Variants in TMEM260 observed in about 807,000 individuals in gnomAD.
The protein encoded by TMEM260 is transmembrane protein 260, also known as protein O-mannosyl-transferase TMEM260.
TMEM260 carries 82 observed loss-of-function variants against 88.9 expected under a neutral mutation model. That is an observed-to-expected ratio of 0.92 (90% CI 0.77 to 1.11). The LOEUF (loss-of-function observed/expected upper bound fraction) is 1.11. TMEM260 is among the 50% of genes least tolerant of loss of function. The probability of loss-of-function intolerance (pLI) is 0.00; values close to 1 mark genes in which losing one functional copy is unlikely to be tolerated. For synonymous variants in TMEM260, 314 were observed against 309.3 expected, an observed-to-expected ratio of 1.02 and a Z score of -0.16; for missense variants, 902 against 853.4, an observed-to-expected ratio of 1.06 and a Z score of -0.71.
At chr14:56,653,743 A>AAAAAAC (rs1555343583), downstream of TMEM260, among the ~76,000 whole-genome samples, 367 of 134,250 alleles carry the variant, frequency 2.7e-3, 8 homozygotes, top group African/African-American at 0.012. Flanking sequence ...CTCCAAAACA[A>AAAAAAC]AAAAAAAAAA....
chr14:56,600,534 T>C (rs1012091571), intron 3 of TMEM260, among the ~76,000 whole-genome samples: 9 of 152,262 alleles, frequency 5.9e-5, no homozygotes, highest in Middle Eastern at 3.4e-3. Flanking sequence ...TGAATAGACA[T>C]TTCTTTAAGG....
At chr14:56,607,746 G>C (rs76780784) in intron 5 of TMEM260, among the ~76,000 whole-genome samples, 1 of 152,204 alleles carries the variant, frequency 6.6e-6, no homozygotes, top group Admixed American at 6.5e-5. Flanking sequence ...GCTACAAATT[G>C]ATTCTACCCC....
In TMEM260 at chr14:56,647,340, G is replaced by C; in HGVS notation, c.1967G>C (p.Arg656Thr). 1 of 1,614,200 alleles carries C rather than the reference G, an allele frequency of 6.2e-7. No homozygotes were observed. Among genetic ancestry groups the C allele is most frequent in the Non-Finnish European group, 8.5e-7 (1 of 1,180,044 alleles). ...GAGCGGATGCTGCGTCTTCAGGCAA[G>C]AGATGCAGATCCTGAAGTGCTGTTA... ...ACERMLRLQA[R>T]DADPEVLLSE... is the part of the protein sequence containing the mutation. Residue 656 changes from arginine (R) to threonine (T), a missense_variant, in exon 16 of 16, where the codon AGA becomes ACA. By Grantham distance (71) the Arg-to-Thr change is moderately conservative. Coordinates refer to ENST00000261556, the MANE Select transcript of TMEM260 (RefSeq NM_017799.4).
chr14:56,607,544 G>T (rs1886987153), intron 5 of TMEM260, among the ~76,000 whole-genome samples: 1 of 152,174 alleles, frequency 6.6e-6, no homozygotes, highest in Admixed American at 6.5e-5. Flanking sequence ...AGAGCAGAAA[G>T]TCCTGAGTCA....
intron 15 of TMEM260, among the ~76,000 whole-genome samples, chr14:56,642,698 C>CA (rs1260180930): frequency 4.7e-5 from 7 of 148,542 alleles, no homozygotes; most frequent in Admixed American, 3.4e-4. Flanking sequence ...AAAAACCCTT[C>CA]AAAAAAATCA....
At chr14:56,661,173 A>T in the TMEM260 span, among the ~76,000 whole-genome samples, 6 of 152,184 alleles carry the variant, frequency 3.9e-5, no homozygotes, top group East Asian at 1.2e-3. Context: ...GGAGGATCCA[A>T]CCCTGGGCCA....
At chr14:56,604,120 G>A (rs904432097) in intron 4 of TMEM260, 128 bp downstream of exon 4, 103 of 855,966 alleles carry the variant, frequency 1.2e-4, no homozygotes, top group Non-Finnish European at 1.5e-4. Flanking sequence ...AGCATGCTGA[G>A]AGAGAAAATG....
At chr14:56,632,890 T>C (rs1888723279) in intron 12 of TMEM260, 105 bp from the exon 13 acceptor site, 2 of 1,097,906 alleles carry the variant, frequency 1.8e-6, no homozygotes, top group Admixed American at 2.4e-5. Context: ...ATATAGGTAA[T>C]AACTGTTGGG....
At chr14:56,620,897 TGAAAA>T (rs1363868955) in intron 10 of TMEM260, among the ~76,000 whole-genome samples, 1 of 152,088 alleles carries the variant, frequency 6.6e-6, no homozygotes, top group Non-Finnish European at 1.5e-5. Context: ...ACTTCATTCT[TGAAAA>T]GAATGAAGTT....
Position 56,599,516 on chromosome 14 carries a change from T to G in TMEM260, c.345-4299T>G, listed in dbSNP as rs60532296. ...AACAGATGTTTCAAGTTATCTCAAC[T>G]TCTTCATCCACTAGTTTGTATATGT... On this transcript the variant is annotated intron_variant, in intron 3 of 15. Transcript: ENST00000261556. Among the ~76,000 whole-genome samples, 4 of 152,178 alleles carry G rather than the reference T, an allele frequency of 2.6e-5. No individual in the cohort carries two copies. The East Asian group carries it at 7.7e-4, about 29-fold the overall frequency.
In TMEM260 at chr14:56,579,919, G is replaced by A; in HGVS notation, c.5G>A (p.Ser2Asn). Residue 2 changes from serine to asparagine, a missense_variant, in exon 1 of 16, where the codon AGT (serine) becomes AAT (asparagine). By Grantham distance (46) the Ser-to-Asn change is conservative (BLOSUM62 1). Coordinates refer to ENST00000261556, the MANE Select transcript of TMEM260 (RefSeq NM_017799.4). M[S>N]PHGDGRGQAQ... Reference sequence around the variant, plus strand: ...TCCCTCGGTCGCCACTGGCCCATGAGTCCCCATGGCGACGGCAGGGGCCAG... The same window carrying A: ...TCCCTCGGTCGCCACTGGCCCATGAATCCCCATGGCGACGGCAGGGGCCAG... 1 of 1,234,076 alleles carries A rather than the reference G, an allele frequency of 8.1e-7. No individual in the cohort carries two copies. The highest frequency in any genetic ancestry group is 1.0e-6 in the Non-Finnish European group (1 of 987,934). The allele number at this position is 1,234,076 out of a possible 1,614,324, so 76.4% of individuals were successfully genotyped here.
At chr14:56,581,523 C>A (rs1161961489) in intron 1 of TMEM260, among the ~76,000 whole-genome samples, 1 of 152,078 alleles carries the variant, frequency 6.6e-6, no homozygotes, top group East Asian at 1.9e-4. Context: ...TTAGGTAGTT[C>A]TGTTACTTGT....
intron 14 of TMEM260, 28 bp from the exon 15 acceptor site, chr14:56,636,480 T>C (rs760974635): frequency 1.3e-6 from 2 of 1,594,744 alleles, no homozygotes; most frequent in Admixed American, 3.3e-5. Flanking sequence ...TGTATGATTT[T>C]AATGAAGGTT....
chr14:56,643,934 G>A lies in TMEM260; in HGVS notation c.1870-3309G>A, dbSNP rs1350132660. Among the ~76,000 whole-genome samples, 3 of 152,124 alleles carry A rather than the reference G, an allele frequency of 2.0e-5. No individual in the cohort carries two copies. The East Asian group carries it at 5.8e-4, about 29-fold the overall frequency. ...GCTTCAAAGAGAATAAAATACCTAG[G>A]AATCCAACTTACAAGGGATGTGAAG... On this transcript the variant is annotated intron_variant, in intron 15 of 15. Coordinates refer to ENST00000261556, the MANE Select transcript of TMEM260 (RefSeq NM_017799.4).
intron 5 of TMEM260, among the ~76,000 whole-genome samples, chr14:56,607,701 C>T (rs981792002): frequency 9.2e-5 from 14 of 151,512 alleles, no homozygotes; most frequent in South Asian, 2.1e-4. Context: ...TACATAGGGA[C>T]GTGTGTGTGT....
At position 56,612,294 on chromosome 14, in the gene TMEM260, G is replaced by T. The variant is rs764289125; in HGVS notation, c.857+9G>T. On this transcript the variant is annotated intron_variant, in intron 7 of 15. Coordinates refer to ENST00000261556, the MANE Select transcript of TMEM260 (RefSeq NM_017799.4). ...ATGTCTGAAATACTGCTGTGAGTAT[G>T]AAATATTTGAAACTACTTTAAAATG... The T allele has an allele frequency of 6.2e-7, 1 of 1,609,516 alleles. No homozygotes were observed. The highest frequency in any genetic ancestry group is 1.1e-5 in the South Asian group (1 of 90,952).
At chr14:56,591,795 A>G (rs148989137) in intron 3 of TMEM260, among the ~76,000 whole-genome samples, 424 of 152,342 alleles carry the variant, frequency 2.8e-3, no homozygotes, top group African/African-American at 9.5e-3. Flanking sequence ...GGTTGTTCCT[A>G]TAAAGCCTAG....
At chr14:56,607,605 C>T (rs186662642) in intron 5 of TMEM260, among the ~76,000 whole-genome samples, 2 of 151,792 alleles carry the variant, frequency 1.3e-5, no homozygotes, top group African/African-American at 2.4e-5. Flanking sequence ...TTAAAAAGTC[C>T]GTGTTTGTTT....
intron 12 of TMEM260, among the ~76,000 whole-genome samples, chr14:56,631,119 A>AAGCTCTG (rs1566566170): frequency 1.0e-4 from 14 of 138,634 alleles, no homozygotes; most frequent in African/African-American, 4.5e-4. Flanking sequence ...AAGTTTATTA[A>AAGCTCTG]AAGCTCTAAA....
Sources: allele counts gnomAD v4.1 joint callset (sites outside exome capture counted in the v4.1 genomes callset), GRCh38; gene constraint gnomAD v4.1.1; transcripts MANE v1.5; gene names NCBI Gene and HGNC (gene_info 2026-07-23, HGNC 2026-07-21).